Variants in MOB2 observed in about 807,000 individuals in gnomAD.
MOB2 encodes the protein MOB kinase activator 2.
A neutral mutation model predicts 27.4 loss-of-function variants in MOB2; 14 were observed. The ratio of observed to expected loss-of-function variants is 0.51; its 90% confidence interval spans 0.34 to 0.80. The LOEUF is 0.80. Among genes scored for constraint, MOB2 ranks in the 30% least tolerant of loss-of-function variants. The pLI, the probability that MOB2 is intolerant of heterozygous loss-of-function variation, is 0.01. For missense variants in MOB2, 304 were observed against 354.6 expected, an observed-to-expected ratio of 0.86 and a Z score of 1.15; for synonymous variants, 167 against 151.8, an observed-to-expected ratio of 1.10 and a Z score of -0.74.
chr11:1,478,032 C>CA (rs1847870920), intron 3 of MOB2, among the ~76,000 whole-genome samples: 2 of 152,236 alleles, frequency 1.3e-5, no homozygotes, highest in Admixed American at 6.5e-5. Flanking sequence ...TGCGTCTCTT[C>CA]ACATAAGCTC....
At chr11:1,483,267 A>T (rs945832734) in intron 1 of MOB2, among the ~76,000 whole-genome samples, 3 of 152,174 alleles carry the variant, frequency 2.0e-5, no homozygotes, top group Non-Finnish European at 4.4e-5. Context: ...GGGCACAGAA[A>T]GACCAAGTCC....
intron 3 of MOB2, among the ~76,000 whole-genome samples, chr11:1,473,883 G>A (rs1310651722): frequency 6.6e-6 from 1 of 152,274 alleles, no homozygotes; most frequent in East Asian, 1.9e-4. Flanking sequence ...TCAGGGATGG[G>A]CCGCGGGAAG....
chr11:1,473,886 G>A (rs766891811), intron 3 of MOB2, among the ~76,000 whole-genome samples: 4 of 152,250 alleles, frequency 2.6e-5, no homozygotes, highest in African/African-American at 7.2e-5. Context: ...GGGATGGGCC[G>A]CGGGAAGGAA....
chr11:1,476,632 T>G (rs1847854993), intron 3 of MOB2, among the ~76,000 whole-genome samples: 1 of 152,240 alleles, frequency 6.6e-6, no homozygotes, highest in African/African-American at 2.4e-5. Flanking sequence ...TCTTATTTAC[T>G]TTCTTGTCCT....
At chr11:1,486,350 TC>T in intron 1 of MOB2, 96 bp downstream of exon 1, 1 of 926,756 alleles carries the variant, frequency 1.1e-6, no homozygotes, top group Non-Finnish European at 1.7e-6. Flanking sequence ...ACGGACACAG[TC>T]CGCCGCCTCC....
Position 1,470,394 on chromosome 11 carries a change from C to G in MOB2, c.585G>C (p.Lys195Asn), listed in dbSNP as rs1431262365. 1 of 1,613,746 alleles carries G rather than the reference C, an allele frequency of 6.2e-7. No homozygotes were observed. The highest frequency in any genetic ancestry group is 1.7e-5 in the Admixed American group (1 of 60,034). ...VLAHIYWAHF[K>N]ETLALELHGH... ...CGTGCAGCTCCAGGGCCAGCGTCTC[C>G]TTGAAGTGGGCCCAGTAGATGTGTG... Residue 195 changes from lysine to asparagine, a missense_variant, in exon 5 of 5, where the codon AAG (lysine) becomes AAC (asparagine). Lys to Asn is a moderately conservative substitution (Grantham distance 94). Coordinates refer to ENST00000329957, the MANE Select transcript of MOB2 (RefSeq NM_001172223.3).
intron 3 of MOB2, chr11:1,471,716 G>A (rs997468299): frequency 3.2e-5 from 10 of 316,872 alleles, no homozygotes; most frequent in Admixed American, 4.7e-5. Context: ...GGTCATCTTC[G>A]TTTTCTCCGC....
intron 1 of MOB2, among the ~76,000 whole-genome samples, chr11:1,485,437 G>A (rs375575823): frequency 2.6e-4 from 40 of 152,326 alleles, no homozygotes; most frequent in African/African-American, 9.1e-4. Context: ...TCCTAGGCAG[G>A]GTCACCGGCC....
chr11:1,479,909 C>G (rs1847891926), intron 3 of MOB2, among the ~76,000 whole-genome samples: 1 of 152,200 alleles, frequency 6.6e-6, no homozygotes, highest in Admixed American at 6.5e-5. Context: ...TAACGGACAC[C>G]CATTTACTGA....
chr11:1,480,085 C>T (rs1002385225), intron 3 of MOB2, among the ~76,000 whole-genome samples: 8 of 152,228 alleles, frequency 5.3e-5, no homozygotes, highest in Admixed American at 4.6e-4. Flanking sequence ...CGGGAGCCAG[C>T]GGAGAAGGGC....
chr11:1,471,550 C>A, intron 3 of MOB2, 131 bp from the exon 4 acceptor site: 1 of 1,131,876 alleles, frequency 8.8e-7, no homozygotes. Flanking sequence ...CCAGGTGTCT[C>A]CCTCCCTGGA....
chr11:1,484,492 G>A (rs1847950263), intron 1 of MOB2, among the ~76,000 whole-genome samples: 1 of 152,016 alleles, frequency 6.6e-6, no homozygotes, highest in East Asian at 1.9e-4. Flanking sequence ...GGCTCCCAGT[G>A]ACCCCTTCCC....
At chr11:1,481,739 CAGGGAGGGGCAGGGGCAGGGGCAGGG>C (rs2133366735) in intron 1 of MOB2, among the ~76,000 whole-genome samples, 10 of 37,636 alleles carry the variant, frequency 2.7e-4, no homozygotes, top group South Asian at 8.4e-4. Flanking sequence ...GGGGCAGGGG[CAGGGAGGGGCAGGGGCAGGGGCAGGG>C]AGGGGCAGGG....
At position 1,471,404 on chromosome 11, in the gene MOB2, A is replaced by G. The variant is rs1485651792; in HGVS notation, c.381T>C (p.Tyr127=). ...MAVCNTQYYW[Y]DERGKKVKCT... Reference sequence around the variant, plus strand: ...ACTTGACCTTCTTCCCCCGCTCGTCATACCAGTAGTACTGTCTGTGGAGAC... The same window carrying G: ...ACTTGACCTTCTTCCCCCGCTCGTCGTACCAGTAGTACTGTCTGTGGAGAC... The change falls in exon 4 of 5, where the codon TAT becomes TAC. Residue 127 remains tyrosine (Y), a synonymous_variant. Coordinates refer to ENST00000329957, the MANE Select transcript of MOB2 (RefSeq NM_001172223.3). 8.7e-6 allele frequency: 14 copies of G among 1,612,808 alleles called. No individual in the cohort carries two copies. The highest frequency in any genetic ancestry group is 1.3e-5 in the African/African-American group (1 of 74,918).
At position 1,480,500 on chromosome 11, in the gene MOB2, G is replaced by A. The variant is rs949639496; in HGVS notation, c.272-14C>T. The A allele has an allele frequency of 3.1e-6, 5 of 1,613,020 alleles. No homozygotes were observed. Among genetic ancestry groups the A allele is most frequent in the African/African-American group, 2.7e-5 (2 of 75,058 alleles). ...AAAACGTCGTGGCTGGAAGAGAAGAGAAGGAGCCAGATGTGAAAAACGCCA... is the reference window on the plus strand; with the variant it reads ...AAAACGTCGTGGCTGGAAGAGAAGAAAAGGAGCCAGATGTGAAAAACGCCA... On this transcript the variant is annotated splice_polypyrimidine_tract_variant and intron_variant, in intron 2 of 4. Coordinates refer to ENST00000329957, the MANE Select transcript of MOB2 (RefSeq NM_001172223.3).
chr11:1,480,762 G>T lies in MOB2; in HGVS notation c.234C>A (p.Pro78=). 6.2e-7 allele frequency: 1 copy of T among 1,606,208 alleles called. No homozygotes were observed. Among genetic ancestry groups the T allele is most frequent in the Non-Finnish European group, 8.5e-7 (1 of 1,176,872 alleles). The change falls in exon 2 of 5, where the codon CCC becomes CCA. Residue 78 remains proline (P), a synonymous_variant. Transcript: ENST00000329957. ...DFQFKELVVL[P]REIDLNEWLA... Reference sequence around the variant, plus strand: ...GCCACTCGTTAAGGTCAATCTCGCGGGGCAGCACCACCAGCTCCTTGAACT... The same window carrying T: ...GCCACTCGTTAAGGTCAATCTCGCGTGGCAGCACCACCAGCTCCTTGAACT...
At chr11:1,475,034 G>C (rs1265625904) in intron 3 of MOB2, among the ~76,000 whole-genome samples, 1 of 152,196 alleles carries the variant, frequency 6.6e-6, no homozygotes, top group African/African-American at 2.4e-5. Flanking sequence ...TTTGTGTTTG[G>C]AGTCATCTTC....
At chr11:1,484,224 A>C (rs2334652) in intron 1 of MOB2, among the ~76,000 whole-genome samples, 1 of 152,136 alleles carries the variant, frequency 6.6e-6, no homozygotes, top group Admixed American at 6.5e-5. Flanking sequence ...GGTGGCCCTC[A>C]TCTGGCACTT....
At chr11:1,470,551 C>T in intron 4 of MOB2, 63 bp from the exon 5 acceptor site, 2 of 1,534,300 alleles carry the variant, frequency 1.3e-6, no homozygotes, top group South Asian at 2.5e-5. Flanking sequence ...GGCCAGGCCC[C>T]TGGCACCCAG....
Sources: allele counts gnomAD v4.1 joint callset (sites outside exome capture counted in the v4.1 genomes callset), GRCh38; gene constraint gnomAD v4.1.1; transcripts MANE v1.5; gene names NCBI Gene and HGNC (gene_info 2026-07-23, HGNC 2026-07-21).